The following HEXD variants were observed in gnomAD, a reference collection of about 807,000 sequenced individuals.
HEXD encodes the protein hexosaminidase D.
HEXD carries 47 observed loss-of-function variants against 54.2 expected under a neutral mutation model. The observed-to-expected ratio is 0.87, with a 90% CI of 0.69 to 1.11. HEXD has a LOEUF of 1.11. HEXD is among the 50% of genes least tolerant of loss of function. The pLI is 0.00. For synonymous variants in HEXD, 293 were observed against 287.6 expected (o/e 1.02, Z -0.19); for missense variants, 576 against 649.2 (o/e 0.89, Z 1.23).
rs755224056 is a variant in HEXD, at chr17:82,432,867, T to C, written c.283-791T>C. Among the ~76,000 whole-genome samples the C allele has an allele frequency of 1.3e-3, 184 of 145,416 alleles. 1 individual carries two copies. The highest frequency in any genetic ancestry group is 1.9e-3 in the Non-Finnish European group (124 of 66,176). On this transcript the variant is annotated intron_variant, in intron 4 of 12. Coordinates refer to ENST00000327949, the MANE Select transcript of HEXD (RefSeq NM_001330542.2). The stretch of plus-strand genomic sequence containing the variant: ...TCACAAGGTCAGGAGATCGAGACCA[T>C]CCTGGCTAACACGGTGAAACCCCGT...
chr17:82,427,393 A>G (rs1292727385), intron 3 of HEXD: 1 of 152,220 alleles, frequency 6.6e-6, no homozygotes, highest in Non-Finnish European at 1.5e-5. Context: ...TGAACATAAT[A>G]TGACATCTGT....
At chr17:82,435,371 G>A (rs1014888000) in intron 5 of HEXD, among the ~76,000 whole-genome samples, 1 of 152,198 alleles carries the variant, frequency 6.6e-6, no homozygotes, top group African/African-American at 2.4e-5. Context: ...TTGGCTGTCT[G>A]CTGAAGCCGA....
chr17:82,418,930 T>C (rs2053150102), intron 1 of HEXD, among the ~76,000 whole-genome samples, 190 bp downstream of exon 1: 1 of 152,134 alleles, frequency 6.6e-6, no homozygotes, highest in Admixed American at 6.5e-5. Context: ...GTGTAAATTG[T>C]GTGTAACTGG....
chr17:82,436,925 C>A, intron 7 of HEXD, 187 bp downstream of exon 7: 1 of 629,856 alleles, frequency 1.6e-6, no homozygotes, highest in South Asian at 1.9e-5. Flanking sequence ...TGCCTCACCT[C>A]CCTCCCTGTT....
Position 82,424,426 on chromosome 17 carries a change from C to T in HEXD, c.117C>T (p.Asn39=), listed in dbSNP as rs1046479847. The part of the protein sequence containing the change: ...IFPLFRALGA[N]GLLIEYEDMF... ...CTCTGTTCCGTGCGCTAGGTGCAAACGGCCTCCTCATTGAGTATGAAGACA... is the reference window on the plus strand; with the variant it reads ...CTCTGTTCCGTGCGCTAGGTGCAAATGGCCTCCTCATTGAGTATGAAGACA... The change falls in exon 3 of 13, where the codon AAC becomes AAT. Residue 39 remains asparagine, a synonymous_variant. Coordinates refer to ENST00000327949, the MANE Select transcript of HEXD (RefSeq NM_001330542.2). 3.1e-6 allele frequency: 5 copies of T among 1,613,868 alleles called. No homozygotes were observed. Among genetic ancestry groups the T allele is most frequent in the South Asian group, 2.2e-5 (2 of 91,082 alleles).
intron 9 of HEXD, chr17:82,440,002 G>A (rs900618377): frequency 2.8e-6 from 4 of 1,404,102 alleles, no homozygotes; most frequent in Non-Finnish European, 3.8e-6. Flanking sequence ...CGGAGGTGGG[G>A]AACGGCTCCA....
intron 4 of HEXD, among the ~76,000 whole-genome samples, chr17:82,432,788 G>T (rs937947989): frequency 2.6e-5 from 4 of 151,756 alleles, no homozygotes; most frequent in Non-Finnish European, 5.9e-5. Context: ...TTATGGCTGG[G>T]TGCAGTGGCT....
In HEXD at chr17:82,421,213, A is replaced by G. The variant is rs2053225921; in HGVS notation, c.84+1330A>G. Among the ~76,000 whole-genome samples the G allele has an allele frequency of 2.0e-5, 3 of 152,018 alleles. No homozygotes were observed. The South Asian group carries it at 6.2e-4, about 31-fold the overall frequency. On this transcript the variant is annotated intron_variant, in intron 2 of 12. Transcript: ENST00000327949. ...GGGAGGCCGAGGCTGCAAGGCTGTC[A>G]GAAATACGTAATGAAACATCCAGGA...
Position 82,430,861 on chromosome 17 carries a change from A to G in HEXD, c.282+2216A>G, listed in dbSNP as rs114515152. ...GCTACATGCTTCTGGTGTCATTTCTAAAAACTCTTTGTGATCACCAGATCA... is the reference window on the plus strand; with the variant it reads ...GCTACATGCTTCTGGTGTCATTTCTGAAAACTCTTTGTGATCACCAGATCA... On this transcript the variant is annotated intron_variant, in intron 4 of 12. Coordinates refer to ENST00000327949, the MANE Select transcript of HEXD (RefSeq NM_001330542.2). Among the ~76,000 whole-genome samples, 1,299 of 152,140 alleles carry G rather than the reference A, an allele frequency of 8.5e-3. 20 individuals carry two copies. Among genetic ancestry groups the G allele is most frequent in the African/African-American group, 0.03 (1,227 of 41,494 alleles).
chr17:82,433,128 A>ATATATTTTTT (rs71168109), intron 4 of HEXD, among the ~76,000 whole-genome samples: 1 of 13,074 alleles, frequency 7.6e-5, no homozygotes, highest in African/African-American at 3.8e-4. Flanking sequence ...ATATATATAT[A>ATATATTTTTT]TTTTTTTTTT....
rs936281672 is a variant in HEXD at position 82,439,422 on chromosome 17, G to A, written c.900-209G>A. ...GAATCCCCACGCTCTTCACTTGTCC[G>A]GTTTCTAGAACGGAGTTGACATGAG... On this transcript the variant is annotated intron_variant, in intron 8 of 12. Coordinates refer to ENST00000327949, the MANE Select transcript of HEXD (RefSeq NM_001330542.2). 2.9e-5 allele frequency: 29 copies of A among 985,176 alleles called. No homozygotes were observed. The highest frequency in any genetic ancestry group is 5.2e-5 in the African/African-American group (3 of 57,242). The allele number at this position is 985,176 out of a possible 1,614,324, so 61.0% of individuals were successfully genotyped here.
chr17:82,435,772 C>T lies in HEXD; in HGVS notation c.531C>T (p.His177=). The T allele has an allele frequency of 6.2e-7, 1 of 1,612,974 alleles. No individual in the cohort carries two copies. Among genetic ancestry groups the T allele is most frequent in the South Asian group, 1.1e-5 (1 of 91,088 alleles). Residue 177 remains histidine, a synonymous_variant, in exon 6 of 13, where the codon CAC becomes CAT. Transcript: ENST00000327949. ...QNSTGKLCLS[H]MRAVASGVKA... The stretch of plus-strand genomic sequence containing the variant: ...GCACGGGGAAGTTGTGCCTGTCACA[C>T]ATGCGGGCGGTGGCCAGCGGCGTGA...
rs2053333987 is a variant in HEXD at position 82,424,406 on chromosome 17, T to G, written c.97T>G (p.Phe33Val). 1.2e-6 allele frequency: 2 copies of G among 1,613,752 alleles called. No individual in the cohort carries two copies. Among genetic ancestry groups the G allele is most frequent in the Non-Finnish European group, 1.7e-6 (2 of 1,179,666 alleles). Residue 33 changes from phenylalanine (F) to valine (V), a missense_variant, in exon 3 of 13, where the codon TTC becomes GTC. Phe to Val is a conservative substitution (Grantham distance 50). Coordinates refer to ENST00000327949, the MANE Select transcript of HEXD (RefSeq NM_001330542.2). ...VSYLSEIFPLFRALGANGLLI... is the reference protein window; with the variant it reads ...VSYLSEIFPLVRALGANGLLI... ...GTTTACCCCCCAGATTTTTCCTCTGTTCCGTGCGCTAGGTGCAAACGGCCT... is the reference window on the plus strand; with the variant it reads ...GTTTACCCCCCAGATTTTTCCTCTGGTCCGTGCGCTAGGTGCAAACGGCCT...
intron 2 of HEXD, among the ~76,000 whole-genome samples, chr17:82,423,797 A>C (rs111584740): frequency 0.029 from 4,340 of 147,368 alleles, 230 homozygotes; most frequent in African/African-American, 0.1. Context: ...TGGGCGAGAG[A>C]GCGAGACTCC....
chr17:82,427,471 G>A (rs538689725), intron 3 of HEXD, among the ~76,000 whole-genome samples: 2 of 152,290 alleles, frequency 1.3e-5, no homozygotes, highest in South Asian at 4.1e-4. Flanking sequence ...CCCACATGTG[G>A]TTAGACCAGA....
At chr17:82,433,891 A>G in intron 5 of HEXD, 69 bp downstream of exon 5, 1 of 1,411,114 alleles carries the variant, frequency 7.1e-7, no homozygotes, top group Non-Finnish European at 9.5e-7. Flanking sequence ...TTAAATAGGA[A>G]AATCTTCCAG....
chr17:82,440,901 G>A (rs960227425), intron 9 of HEXD, 96 bp from the exon 10 acceptor site: 33 of 1,394,860 alleles, frequency 2.4e-5, no homozygotes, highest in Admixed American at 4.0e-5. Context: ...ATTGCCGCCC[G>A]CCCACTGCCC....
At position 82,435,832 on chromosome 17, in the gene HEXD, G is replaced by T; in HGVS notation, c.591G>T (p.Trp197Cys). 6.2e-7 allele frequency: 1 copy of T among 1,611,986 alleles called. No individual in the cohort carries two copies. The highest frequency in any genetic ancestry group is 8.5e-7 in the Non-Finnish European group (1 of 1,179,688). The change falls in exon 6 of 13, where the codon TGG becomes TGT. Residue 197 changes from tryptophan to cysteine, a missense_variant. Transcript: ENST00000327949. The stretch of plus-strand genomic sequence containing the variant: ...GCCCCAGCGTGACACCCCTGGTGTG[G>T]GACGACATGCTCCGAGACCTGCCTG... ...ARRPSVTPLV[W>C]DDMLRDLPED... is the part of the protein sequence containing the mutation.
intron 4 of HEXD, among the ~76,000 whole-genome samples, chr17:82,432,923 G>T (rs8078416): frequency 6.8e-6 from 1 of 146,848 alleles, no homozygotes; most frequent in East Asian, 2.1e-4. Flanking sequence ...AAAATTAGCC[G>T]GGCGTGGTGG....
Sources: allele counts gnomAD v4.1 joint callset (sites outside exome capture counted in the v4.1 genomes callset), GRCh38; gene constraint gnomAD v4.1.1; transcripts MANE v1.5; gene names NCBI Gene and HGNC (gene_info 2026-07-23, HGNC 2026-07-21).